The following MAP4K3 variants were observed in gnomAD, a reference collection of about 807,000 sequenced individuals.
MAP4K3 encodes the protein MAPK/ERK kinase kinase kinase 3.
MAP4K3 carries 94 observed loss-of-function variants against 143.5 expected under a neutral mutation model. The ratio of observed to expected loss-of-function variants is 0.65; its 90% CI spans 0.55 to 0.78. The LOEUF (loss-of-function observed/expected upper bound fraction) is 0.78, where lower values mean the gene tolerates loss of function less well. Ranked by LOEUF, MAP4K3 falls within the 30% of genes least tolerant of loss-of-function variation. The pLI, the probability that MAP4K3 is intolerant of heterozygous loss-of-function variation, is 0.00. For synonymous variants in MAP4K3, 416 were observed against 347.2 expected, an observed-to-expected ratio of 1.20 and a Z score of -2.20; for missense variants, 1,077 against 1,068.1, an observed-to-expected ratio of 1.01 and a Z score of -0.12.
intron 6 of MAP4K3, among the ~76,000 whole-genome samples, chr2:39,336,145 C>T (rs1409965818): frequency 6.6e-6 from 1 of 152,126 alleles, no homozygotes; most frequent in Non-Finnish European, 1.5e-5. Context: ...ACATTCAGAG[C>T]ACCTGCTCTC....
Position 39,290,354 on chromosome 2 carries a change from G to C in MAP4K3, c.1272-20C>G, listed in dbSNP as rs778076596. On this transcript the variant is annotated intron_variant, in intron 18 of 33. Coordinates refer to ENST00000263881, the MANE Select transcript of MAP4K3 (RefSeq NM_003618.4). ...GTTGAGCTAAAAACAGAAAAGTTTA[G>C]AATCAGAACTATTCATTTTACAAAT... 4 of 1,559,428 alleles carry C rather than the reference G, an allele frequency of 2.6e-6. No homozygotes were observed. Among genetic ancestry groups the C allele is most frequent in the East Asian group, 4.5e-5 (2 of 44,278 alleles).
chr2:39,289,487 A>G (rs1055985709), intron 19 of MAP4K3, among the ~76,000 whole-genome samples: 3 of 152,192 alleles, frequency 2.0e-5, no homozygotes, highest in African/African-American at 7.2e-5. Context: ...CCTTTAAAAA[A>G]AACAACCCAT....
At chr2:39,413,782 C>CCA (rs1384868373) in intron 1 of MAP4K3, among the ~76,000 whole-genome samples, 1 of 151,742 alleles carries the variant, frequency 6.6e-6, no homozygotes, top group East Asian at 1.9e-4. Flanking sequence ...TGCCCAGGCT[C>CCA]CACCTTGTAG....
intron 2 of MAP4K3, among the ~76,000 whole-genome samples, chr2:39,364,655 G>A (rs10166302): frequency 0.011 from 1,736 of 152,326 alleles, 20 homozygotes; most frequent in Non-Finnish European, 0.018. Flanking sequence ...ATCACCTGAG[G>A]CCAGGAGTAC....
Position 39,437,213 on chromosome 2 carries a change from A to T in MAP4K3, c.-226T>A, listed in dbSNP as rs910152874. ...CCCCCGCGGCCCGCCGCCGCGCCGA[A>T]CCTGGTCACACCCACAAGGAGAGGA... On this transcript the variant is annotated 5_prime_UTR_variant, in exon 1 of 34. Coordinates refer to ENST00000263881, the MANE Select transcript of MAP4K3 (RefSeq NM_003618.4). 1 of 320,946 alleles carries T rather than the reference A, an allele frequency of 3.1e-6. No homozygotes were observed. The highest frequency in any genetic ancestry group is 5.6e-6 in the Non-Finnish European group (1 of 178,864). 19.9% of individuals were successfully genotyped at this position (320,946 alleles called of 1,614,324 possible). A position where few individuals can be genotyped will look rare whatever the true frequency, so the allele number is the denominator to read the frequency against.
intron 2 of MAP4K3, among the ~76,000 whole-genome samples, chr2:39,372,427 G>T (rs1437975981): frequency 7.1e-6 from 1 of 141,624 alleles, no homozygotes; most frequent in African/African-American, 2.6e-5. Context: ...CACAAAAATA[G>T]AAAAAATTAT....
intron 31 of MAP4K3, among the ~76,000 whole-genome samples, chr2:39,255,928 C>A (rs72923490): frequency 0.023 from 3,553 of 152,260 alleles, 129 homozygotes; most frequent in African/African-American, 0.082. Context: ...GAAGAACTGG[C>A]ATCTTTCTCA....
intron 1 of MAP4K3, among the ~76,000 whole-genome samples, chr2:39,387,193 A>G (rs1422417536): frequency 1.3e-5 from 2 of 152,148 alleles, no homozygotes; most frequent in Non-Finnish European, 2.9e-5. Context: ...TTACTTTTTC[A>G]AAGTTGCTTT....
At position 39,394,738 on chromosome 2, in the gene MAP4K3, G is replaced by C. The variant is rs147557947; in HGVS notation, c.97-16615C>G. ...TGGAGAAACGAAGAGGGCAACTTCA[G>C]GGAATAAGATAGGCAGAATGTGGTT... On this transcript the variant is annotated intron_variant, in intron 1 of 33. Coordinates refer to ENST00000263881, the MANE Select transcript of MAP4K3 (RefSeq NM_003618.4). Among the ~76,000 whole-genome samples the C allele has an allele frequency of 6.0e-3, 917 of 152,294 alleles. 10 individuals are homozygous for C. Among genetic ancestry groups the C allele is most frequent in the African/African-American group, 0.021 (879 of 41,558 alleles).
rs6544214 is a variant in MAP4K3 at position 39,250,029 on chromosome 2, T to C, written c.*589A>G. 117,413 of 152,394 alleles carry C rather than the reference T, an allele frequency of 0.77. 46,035 individuals carry two copies. Among genetic ancestry groups the C allele is most frequent in the Non-Finnish European group, 0.85 (57,543 of 67,966 alleles). 9.4% of individuals were successfully genotyped at this position (152,394 alleles called of 1,614,324 possible). A position where few individuals can be genotyped will look rare whatever the true frequency, so the allele number is the denominator to read the frequency against. ...ACTTAATACATCACATATCAATACT[T>C]TGTGCAAATATAAACACCAGTGTAC... On this transcript the variant is annotated 3_prime_UTR_variant, in exon 34 of 34. Transcript: ENST00000263881.
At chr2:39,330,102 A>G (rs958849258) in intron 8 of MAP4K3, among the ~76,000 whole-genome samples, 3 of 152,234 alleles carry the variant, frequency 2.0e-5, no homozygotes, top group African/African-American at 7.2e-5. Context: ...AGAAATTATC[A>G]AAGAAATGAC....
At chr2:39,264,935 C>T (rs1004363842) in intron 28 of MAP4K3, among the ~76,000 whole-genome samples, 2 of 152,140 alleles carry the variant, frequency 1.3e-5, no homozygotes, top group African/African-American at 4.8e-5. Flanking sequence ...TCTTTTAGTA[C>T]TTCCTGTTTC....
rs374688136 is a variant in MAP4K3, at chr2:39,315,291, G to T, written c.997+19C>A. 1.4e-4 allele frequency: 202 copies of T among 1,475,222 alleles called. No individual in the cohort carries two copies. Among genetic ancestry groups the T allele is most frequent in the Non-Finnish European group, 1.8e-4 (194 of 1,063,064 alleles). 91.4% of individuals were successfully genotyped at this position (1,475,222 alleles called of 1,614,324 possible). A position where few individuals can be genotyped will look rare whatever the true frequency, so the allele number is the denominator to read the frequency against. ...ATTTTCTATCATTAAATCATAAACTGTGTATAGTATATACTTACAGGTTAT... is the reference window on the plus strand; with the variant it reads ...ATTTTCTATCATTAAATCATAAACTTTGTATAGTATATACTTACAGGTTAT... On this transcript the variant is annotated intron_variant, in intron 13 of 33. Coordinates refer to ENST00000263881, the MANE Select transcript of MAP4K3 (RefSeq NM_003618.4).
chr2:39,361,058 T>G (rs1351397260), intron 2 of MAP4K3, among the ~76,000 whole-genome samples: 1 of 152,192 alleles, frequency 6.6e-6, no homozygotes, highest in Non-Finnish European at 1.5e-5. Flanking sequence ...ATTAAGGATA[T>G]GCACTTTGAA....
intron 2 of MAP4K3, among the ~76,000 whole-genome samples, chr2:39,356,854 C>T (rs904476671): frequency 1.3e-5 from 2 of 152,132 alleles, no homozygotes; most frequent in Admixed American, 1.3e-4. Context: ...TTCCAAGTAA[C>T]ATTTAATATA....
chr2:39,368,139 G>C (rs1310408951), intron 2 of MAP4K3, among the ~76,000 whole-genome samples: 1 of 152,132 alleles, frequency 6.6e-6, no homozygotes, highest in Admixed American at 6.5e-5. Context: ...TGAATTTCTA[G>C]TGAAAATCCT....
intron 1 of MAP4K3, among the ~76,000 whole-genome samples, chr2:39,429,997 C>T (rs1175408539): frequency 6.6e-6 from 1 of 152,056 alleles, no homozygotes; most frequent in Non-Finnish European, 1.5e-5. Context: ...TCATGGTGAC[C>T]GAAAGGAGAA....
Position 39,267,752 on chromosome 2 carries a change from A to C in MAP4K3, c.1974-505T>G, listed in dbSNP as rs375084066. Among the ~76,000 whole-genome samples the C allele has an allele frequency of 6.6e-5, 10 of 152,196 alleles. No homozygotes were observed. In the East Asian group the frequency reaches 1.5e-3, roughly 23 times the overall value. The stretch of plus-strand genomic sequence containing the variant: ...CCCCCAATCAGTTCCAAATGGGTTA[A>C]GGGTTTAAATATGAAAACAAACTAT... On this transcript the variant is annotated intron_variant, in intron 26 of 33. Transcript: ENST00000263881.
chr2:39,307,383 G>C (rs1485906137), intron 15 of MAP4K3, among the ~76,000 whole-genome samples: 3 of 151,712 alleles, frequency 2.0e-5, no homozygotes, highest in Non-Finnish European at 4.4e-5. Flanking sequence ...TTTGTCCTAA[G>C]GAAACCAGAC....
Sources: allele counts gnomAD v4.1 joint callset (sites outside exome capture counted in the v4.1 genomes callset), GRCh38; gene constraint gnomAD v4.1.1; transcripts MANE v1.5; gene names NCBI Gene and HGNC (gene_info 2026-07-23, HGNC 2026-07-21).